Variants in AMBRA1 observed in about 807,000 individuals in gnomAD.
AMBRA1 encodes activating molecule in BECN1-regulated autophagy protein 1.
In AMBRA1, 47 loss-of-function variants were observed where a neutral mutation model predicts 125.4. That is an observed-to-expected ratio of 0.37 (90% confidence interval 0.30 to 0.48). The LOEUF is 0.48. AMBRA1 is among the 20% of genes least tolerant of loss of function. AMBRA1 has a pLI of 0.99. For synonymous variants in AMBRA1, 626 were observed against 655.5 expected, an observed-to-expected ratio of 0.95 and a Z score of 0.69; for missense variants, 1,331 against 1,693.4, an observed-to-expected ratio of 0.79 and a Z score of 3.76.
At chr11:46,483,684 G>T (rs1251058048) in intron 11 of AMBRA1, among the ~76,000 whole-genome samples, 1 of 152,222 alleles carries the variant, frequency 6.6e-6, no homozygotes, top group Non-Finnish European at 1.5e-5. Context: ...TGGATCACCT[G>T]AAGTCAGGAG....
At chr11:46,537,033 G>A (rs961162824) in intron 7 of AMBRA1, among the ~76,000 whole-genome samples, 10 of 152,208 alleles carry the variant, frequency 6.6e-5, no homozygotes, top group Non-Finnish European at 1.5e-4. Context: ...ATCTCTCTCA[G>A]TTGCTGGAAT....
intron 1 of AMBRA1, among the ~76,000 whole-genome samples, chr11:46,578,033 A>G (rs977629071): frequency 1.3e-5 from 2 of 151,798 alleles, no homozygotes; most frequent in Non-Finnish European, 2.9e-5. Context: ...GGGAGGCTAA[A>G]GCAGGAGGAA....
At chr11:46,443,439 C>A in intron 12 of AMBRA1, 49 bp downstream of exon 12, 1 of 1,504,840 alleles carries the variant, frequency 6.6e-7, no homozygotes, top group South Asian at 1.1e-5. Flanking sequence ...TTCTGGCTCA[C>A]CAGCAAATAT....
chr11:46,436,577 T>C (rs1206682743), intron 12 of AMBRA1, among the ~76,000 whole-genome samples: 1 of 152,024 alleles, frequency 6.6e-6, no homozygotes, highest in Non-Finnish European at 1.5e-5. Flanking sequence ...TAAGGCTAGA[T>C]TTATCTAATT....
At chr11:46,573,708 C>T (rs2043851906) in intron 1 of AMBRA1, among the ~76,000 whole-genome samples, 1 of 146,346 alleles carries the variant, frequency 6.8e-6, no homozygotes, top group African/African-American at 2.5e-5. Context: ...GGTACATGTG[C>T]ATATTGTGCA....
In AMBRA1 at chr11:46,397,798, G is replaced by A. The variant is rs573180590; in HGVS notation, c.3549C>T (p.Ile1183=). 142 of 1,609,522 alleles carry A rather than the reference G, an allele frequency of 8.8e-5. 3 individuals are homozygous for A. In the Admixed American group the frequency reaches 1.0e-3, roughly 12 times the overall value. Residue 1183 remains isoleucine, a synonymous_variant, in exon 18 of 18, where the codon ATC becomes ATT. Transcript: ENST00000683756. Reference sequence around the variant, plus strand: ...AGCTGCGGTGAATGCGGTGGCTGACGATGATGTTGTTGCCGAAGCCGCCCA... The same window carrying A: ...AGCTGCGGTGAATGCGGTGGCTGACAATGATGTTGTTGCCGAAGCCGCCCA... ...ASMGGFGNNI[I]VSHRIHRSSQ...
chr11:46,508,002 G>A (rs1951121753), intron 9 of AMBRA1, among the ~76,000 whole-genome samples, 189 bp downstream of exon 9: 1 of 152,206 alleles, frequency 6.6e-6, no homozygotes, highest in Non-Finnish European at 1.5e-5. Context: ...AATCAGCAAA[G>A]CAACTGCCAG....
At chr11:46,423,279 C>A (rs1363570908) in intron 14 of AMBRA1, among the ~76,000 whole-genome samples, 2 of 152,144 alleles carry the variant, frequency 1.3e-5, no homozygotes, top group East Asian at 3.8e-4. Flanking sequence ...CCTAGGAAAG[C>A]CTGATTGCTT....
chr11:46,430,520 C>T (rs1430889408), intron 14 of AMBRA1, among the ~76,000 whole-genome samples: 2 of 152,210 alleles, frequency 1.3e-5, no homozygotes, highest in African/African-American at 4.8e-5. Context: ...CCAAGAACCA[C>T]AGTTTGAGAA....
chr11:46,410,520 TCA>T, intron 15 of AMBRA1, 152 bp from the exon 16 acceptor site: 1 of 672,926 alleles, frequency 1.5e-6, no homozygotes, highest in East Asian at 2.7e-5. Context: ...AGCTGCTGCC[TCA>T]TCAGGATGCT....
intron 1 of AMBRA1, among the ~76,000 whole-genome samples, chr11:46,552,158 C>T (rs753385923): frequency 2.0e-5 from 3 of 149,170 alleles, no homozygotes; most frequent in Non-Finnish European, 4.4e-5. Flanking sequence ...CACTTGAGGT[C>T]AGGAATTCGG....
rs776334268 is a variant in AMBRA1 at position 46,548,288 on chromosome 11, C to T, written c.93G>A (p.Glu31=). The T allele has an allele frequency of 2.3e-5, 37 of 1,614,062 alleles. No homozygotes were observed. The highest frequency in any genetic ancestry group is 3.3e-5 in the Admixed American group (2 of 59,996). The change falls in exon 2 of 18, where the codon GAG becomes GAA. Residue 31 remains glutamate (E), a synonymous_variant. Coordinates refer to ENST00000683756, the MANE Select transcript of AMBRA1 (RefSeq NM_001387011.1). ...RAMGAQRLLQ[E]LVEDKTRWMK... Reference sequence around the variant, plus strand: ...TCCACCGGGTTTTATCTTCTACCAGCTCCTGCAGAAGCCGCTGAGCTCCCA... The same window carrying T: ...TCCACCGGGTTTTATCTTCTACCAGTTCCTGCAGAAGCCGCTGAGCTCCCA...
chr11:46,398,006 G>A (rs1945540034), intron 17 of AMBRA1, 63 bp from the exon 18 acceptor site: 1 of 1,521,550 alleles, frequency 6.6e-7, no homozygotes, highest in African/African-American at 1.4e-5. Context: ...TGAGGCAGGT[G>A]GGCAGCCACC....
intron 1 of AMBRA1, among the ~76,000 whole-genome samples, chr11:46,585,662 T>A (rs2044346984): frequency 1.2e-4 from 1 of 8,028 alleles, no homozygotes; most frequent in East Asian, 2.0e-3. Context: ...CAAGACTCCA[T>A]CTCAAAAAAA....
intron 12 of AMBRA1, among the ~76,000 whole-genome samples, chr11:46,437,922 C>T (rs1947807441): frequency 6.6e-6 from 1 of 152,162 alleles, no homozygotes; most frequent in African/African-American, 2.4e-5. Context: ...CAGCAGCACA[C>T]AAACTTTAAC....
chr11:46,461,984 C>T (rs1205681610), intron 11 of AMBRA1, among the ~76,000 whole-genome samples: 1 of 152,176 alleles, frequency 6.6e-6, no homozygotes, highest in Admixed American at 6.5e-5. Context: ...ATCTAGACTC[C>T]TTCCTCCCTG....
At chr11:46,408,827 G>T in intron 16 of AMBRA1, 121 bp from the exon 17 acceptor site, 2 of 903,038 alleles carry the variant, frequency 2.2e-6, no homozygotes, top group Non-Finnish European at 3.1e-6. Context: ...GCTAAGAGAA[G>T]CCCTGTGCTC....
chr11:46,418,761 A>G (rs1239555928), intron 14 of AMBRA1, among the ~76,000 whole-genome samples: 1 of 152,156 alleles, frequency 6.6e-6, no homozygotes, highest in African/African-American at 2.4e-5. Context: ...AAGAAATACT[A>G]GGGGACTCTA....
At chr11:46,508,159 G>A in intron 9 of AMBRA1, 32 bp downstream of exon 9, 3 of 1,611,982 alleles carry the variant, frequency 1.9e-6, no homozygotes, top group Non-Finnish European at 2.5e-6. Flanking sequence ...CTTGAGAGGA[G>A]AGGGAAGAAA....
Sources: allele counts gnomAD v4.1 joint callset (sites outside exome capture counted in the v4.1 genomes callset), GRCh38; gene constraint gnomAD v4.1.1; transcripts MANE v1.5; gene names NCBI Gene and HGNC (gene_info 2026-07-23, HGNC 2026-07-21).